OPCML: variants seen among roughly 807,000 people sequenced by gnomAD.
OPCML encodes opioid-binding protein/cell adhesion molecule.
Under a neutral mutation model 37.8 loss-of-function variants are expected in OPCML, and 13 were observed. That is an observed-to-expected ratio of 0.34 (90% CI 0.22 to 0.55). The LOEUF (loss-of-function observed/expected upper bound fraction) is 0.55, where lower values mean the gene tolerates loss of function less well. Ranked by LOEUF, OPCML falls within the 20% of genes least tolerant of loss-of-function variation. The probability of loss-of-function intolerance (pLI) is 0.91; values close to 1 mark genes in which losing one functional copy is unlikely to be tolerated. For missense variants in OPCML, 341 were observed against 435.6 expected (o/e 0.78, Z 1.93); for synonymous variants, 176 against 168.8 (o/e 1.04, Z -0.33).
At chr11:132,531,727 T>C (rs566754684) in intron 3 of OPCML, among the ~76,000 whole-genome samples, 1 of 151,048 alleles carries the variant, frequency 6.6e-6, no homozygotes, top group South Asian at 2.1e-4. Context: ...CTAGCTACAC[T>C]GCATTCTCTT....
chr11:132,723,702 G>A (rs1163795006), intron 2 of OPCML, among the ~76,000 whole-genome samples: 1 of 152,136 alleles, frequency 6.6e-6, no homozygotes, highest in Non-Finnish European at 1.5e-5. Flanking sequence ...AGCCATTCCA[G>A]GCCTATGCCC....
At chr11:132,863,159 G>A (rs1354715149) in intron 2 of OPCML, among the ~76,000 whole-genome samples, 1 of 152,076 alleles carries the variant, frequency 6.6e-6, no homozygotes, top group African/African-American at 2.4e-5. Context: ...CTTCCTGCCT[G>A]TAGCTACATT....
chr11:132,999,980 T>C (rs1946967532), intron 1 of OPCML, among the ~76,000 whole-genome samples: 1 of 152,220 alleles, frequency 6.6e-6, no homozygotes, highest in Admixed American at 6.5e-5. Flanking sequence ...ATCTTTCCTG[T>C]GTAGACACAC....
chr11:132,429,901 G>C lies in OPCML; in HGVS notation c.916+6185C>G, dbSNP rs554597835. 2.0e-5 allele frequency among the ~76,000 whole-genome samples: 3 copies of C among 152,224 alleles called. No homozygotes were observed. The South Asian group carries it at 6.2e-4, about 32-fold the overall frequency. On this transcript the variant is annotated intron_variant, in intron 7 of 7. Transcript: ENST00000524381. ...CCCCTCTCACCATAGGCTGACCCCC[G>C]GGAAGACTGATAGGGCAGGTGCCGG...
At chr11:132,774,695 C>A (rs10437674) in intron 2 of OPCML, among the ~76,000 whole-genome samples, 4,375 of 152,318 alleles carry the variant, frequency 0.029, 83 homozygotes, top group Non-Finnish European at 0.047. Context: ...CTATCATTCC[C>A]TGTCCCCCTT....
intron 2 of OPCML, among the ~76,000 whole-genome samples, chr11:132,758,789 T>C (rs776854804): frequency 1.3e-5 from 2 of 152,202 alleles, no homozygotes; most frequent in Non-Finnish European, 2.9e-5. Flanking sequence ...GAATACCCTT[T>C]ATTTCTTGCT....
At chr11:133,328,957 C>T (rs1376468528) in intron 1 of OPCML, among the ~76,000 whole-genome samples, 1 of 152,208 alleles carries the variant, frequency 6.6e-6, no homozygotes, top group Non-Finnish European at 1.5e-5. Flanking sequence ...CCAAAATCGC[C>T]TCAAGCTGAT....
At position 133,182,970 on chromosome 11, in the gene OPCML, G is replaced by A. The variant is rs1031725473; in HGVS notation, c.62-239960C>T. 5.3e-5 allele frequency among the ~76,000 whole-genome samples: 8 copies of A among 152,096 alleles called. No homozygotes were observed. In the East Asian group the frequency reaches 1.5e-3, roughly 29 times the overall value. On this transcript the variant is annotated intron_variant, in intron 1 of 7. Transcript: ENST00000524381. ...GAAAACCACCAAGATGAGGACTCAA[G>A]TGTGTCAAGGAAATTGAAAACGTGA...
chr11:132,634,486 A>G (rs1390721068), intron 3 of OPCML, among the ~76,000 whole-genome samples: 1 of 152,222 alleles, frequency 6.6e-6, no homozygotes, highest in Non-Finnish European at 1.5e-5. Context: ...AAATGTAAAT[A>G]TTCTATCCTG....
chr11:133,265,696 G>A (rs957336680), intron 1 of OPCML, among the ~76,000 whole-genome samples: 5 of 152,204 alleles, frequency 3.3e-5, no homozygotes, highest in Non-Finnish European at 5.9e-5. Context: ...GAGTGAAGAT[G>A]TGTCTGAAGG....
At chr11:132,920,787 A>G (rs892879246) in intron 2 of OPCML, among the ~76,000 whole-genome samples, 5 of 152,208 alleles carry the variant, frequency 3.3e-5, no homozygotes, top group Non-Finnish European at 7.3e-5. Context: ...AAATAAATAA[A>G]TAACTGACCT....
chr11:132,734,954 G>T lies in OPCML; in HGVS notation c.147-77635C>A, dbSNP rs529806642. On this transcript the variant is annotated intron_variant, in intron 2 of 7. Coordinates refer to ENST00000524381, the MANE Select transcript of OPCML (RefSeq NM_001012393.5). ...TGATTGTTATTATGTGGGGCAGAAA[G>T]CTTAGCAAAACTATCGCCTGCAACA... Among the ~76,000 whole-genome samples, 45 of 152,290 alleles carry T rather than the reference G, an allele frequency of 3.0e-4. No homozygotes were observed. The South Asian group carries it at 8.5e-3, about 29-fold the overall frequency.
At chr11:132,759,422 T>C (rs916590227) in intron 2 of OPCML, among the ~76,000 whole-genome samples, 2 of 152,172 alleles carry the variant, frequency 1.3e-5, no homozygotes, top group African/African-American at 4.8e-5. Context: ...TGATAATCTG[T>C]CTGGTCCTGG....
chr11:132,841,137 G>A (rs556765565), intron 2 of OPCML, among the ~76,000 whole-genome samples: 3 of 152,318 alleles, frequency 2.0e-5, no homozygotes, highest in South Asian at 2.1e-4. Flanking sequence ...AGCATTAGCC[G>A]TTAAAGCAGC....
chr11:132,820,862 G>A (rs1007531134), intron 2 of OPCML, among the ~76,000 whole-genome samples: 5 of 152,090 alleles, frequency 3.3e-5, no homozygotes, highest in South Asian at 2.1e-4. Flanking sequence ...CCTCCTCCCC[G>A]AAAACTTGTC....
rs1246411710 is a variant in OPCML, at chr11:133,173,375, G to T, written c.62-230365C>A. Among the ~76,000 whole-genome samples, 1 of 152,138 alleles carries T rather than the reference G, an allele frequency of 6.6e-6. No individual in the cohort carries two copies. Among genetic ancestry groups the T allele is most frequent in the African/African-American group, 2.4e-5 (1 of 41,432 alleles). On this transcript the variant is annotated intron_variant, in intron 1 of 7. Transcript: ENST00000524381. The surrounding 1 kb of genome is among the most constrained non-coding windows in gnomAD (Gnocchi z 7.8). ...GTCTGAGACTCATAGAGAGGGTATC[G>T]ATAGGAGTACAGATCCCAGTATGTT...
intron 2 of OPCML, among the ~76,000 whole-genome samples, chr11:132,910,452 A>T (rs747799132): frequency 6.6e-6 from 1 of 152,240 alleles, no homozygotes; most frequent in Non-Finnish European, 1.5e-5. Context: ...GGGATATTAC[A>T]GAATAAAACT....
rs556230989 is a variant in OPCML, at chr11:132,477,503, C to T, written c.506-40144G>A. Among the ~76,000 whole-genome samples the T allele has an allele frequency of 1.7e-3, 256 of 152,258 alleles. 1 individual carries two copies. Among genetic ancestry groups the T allele is most frequent in the Non-Finnish European group, 2.0e-3 (137 of 68,028 alleles). On this transcript the variant is annotated intron_variant, in intron 4 of 7. Transcript: ENST00000524381. ...GGAAGCCTTCTGGGGCTAGGCATAC[C>T]TTCTGTGTTGGAAGCAACTGTCATT... is the stretch of plus-strand genomic sequence containing the variant.
chr11:133,447,799 C>G (rs935246573), intron 1 of OPCML, among the ~76,000 whole-genome samples: 2 of 152,136 alleles, frequency 1.3e-5, no homozygotes, highest in African/African-American at 4.8e-5. Context: ...GACTTCATGT[C>G]TTTGCTATTG....
Sources: allele counts gnomAD v4.1 joint callset (sites outside exome capture counted in the v4.1 genomes callset), GRCh38; gene constraint gnomAD v4.1.1; non-coding constraint Gnocchi (gnomAD v3.1); transcripts MANE v1.5; gene names NCBI Gene and HGNC (gene_info 2026-07-23, HGNC 2026-07-21).